EZH1: variants seen among roughly 807,000 people sequenced by gnomAD.
EZH1 encodes histone-lysine N-methyltransferase EZH1.
In EZH1, 33 loss-of-function variants were observed where a neutral mutation model predicts 100.5. That is an observed-to-expected ratio of 0.33 (90% CI 0.25 to 0.44). EZH1 has a LOEUF of 0.44. EZH1 is among the 20% of genes least tolerant of loss of function. The pLI is 1.00. For synonymous variants in EZH1, 272 were observed against 313.8 expected (o/e 0.87, Z 1.41); for missense variants, 475 against 928.4 (o/e 0.51, Z 6.35).
intron 4 of EZH1, among the ~76,000 whole-genome samples, chr17:42,725,409 C>T (rs1246896805): frequency 4.0e-5 from 6 of 151,474 alleles, no homozygotes; most frequent in Non-Finnish European, 1.5e-5. Flanking sequence ...GCTGGGATTA[C>T]AGGCATGTGC....
At position 42,708,046 on chromosome 17, in the gene EZH1, G is replaced by A. The variant is rs573197442; in HGVS notation, c.1572C>T (p.Cys524=). Residue 524 remains cysteine, a synonymous_variant, in exon 15 of 21, where the codon TGC becomes TGT. Transcript: ENST00000428826. ...TGTCACAGGGGCGGTCTGGGTGGTC[G>A]CAGGGTTGGTAGTTGTACACTTGTG... is the stretch of plus-strand genomic sequence containing the variant. ...SSTQVYNYQP[C]DHPDRPCDST... The A allele has an allele frequency of 2.7e-5, 43 of 1,612,108 alleles. No individual in the cohort carries two copies. Among genetic ancestry groups the A allele is most frequent in the Admixed American group, 5.0e-5 (3 of 59,578 alleles).
chr17:42,714,564 G>T, intron 10 of EZH1: 1 of 304,810 alleles, frequency 3.3e-6, no homozygotes, highest in South Asian at 3.5e-5. Flanking sequence ...ATTGGTGCAG[G>T]AGCAAGTGTG....
At position 42,702,541 on chromosome 17, in the gene EZH1, G is replaced by A. The variant is rs760086887; in HGVS notation, c.2235C>T (p.Asp745=). The A allele has an allele frequency of 4.5e-6, 7 of 1,562,948 alleles. No individual in the cohort carries two copies. The highest frequency in any genetic ancestry group is 2.4e-5 in the South Asian group (2 of 85,094). ...GTGGGGCCTGGGAGGGCTAAAGGAC[G>A]TCGGTCTCCCTCTCGATCCCCACGT... is the stretch of plus-strand genomic sequence containing the variant. ...LKYVGIERET[D]VL Residue 745 remains aspartate, a synonymous_variant, in exon 21 of 21, where the codon GAC becomes GAT. Transcript: ENST00000428826.
At chr17:42,728,623 T>G (rs1001853811) in intron 3 of EZH1, among the ~76,000 whole-genome samples, 7 of 151,072 alleles carry the variant, frequency 4.6e-5, no homozygotes, top group African/African-American at 1.7e-4. Flanking sequence ...GCGCCTGTAG[T>G]CCCAGCTAAT....
chr17:42,714,812 A>C (rs971513627), intron 10 of EZH1, among the ~76,000 whole-genome samples: 2 of 148,534 alleles, frequency 1.3e-5, no homozygotes, highest in Admixed American at 1.4e-4. Context: ...GCTGTGTATG[A>C]AGTATACAGT....
Position 42,704,582 on chromosome 17 carries a change from G to T in EZH1, c.2017+20C>A. The T allele has an allele frequency of 6.3e-7, 1 of 1,580,956 alleles. No individual in the cohort carries two copies. Among genetic ancestry groups the T allele is most frequent in the Non-Finnish European group, 8.7e-7 (1 of 1,155,282 alleles). ...AAAAAAAAAAAGACCACCTTGGGATGAGACAAAGTGACTTCATACCATTAT... is the reference window on the plus strand; with the variant it reads ...AAAAAAAAAAAGACCACCTTGGGATTAGACAAAGTGACTTCATACCATTAT... On this transcript the variant is annotated intron_variant, in intron 18 of 20. Transcript: ENST00000428826.
At chr17:42,742,648 G>A (rs1021374810) in intron 1 of EZH1, among the ~76,000 whole-genome samples, 12 of 152,100 alleles carry the variant, frequency 7.9e-5, no homozygotes, top group African/African-American at 1.4e-4. Context: ...TATATGTTGA[G>A]CACCTACTAT....
At chr17:42,725,271 ACT>A (rs1179779354) in intron 4 of EZH1, among the ~76,000 whole-genome samples, 1 of 151,270 alleles carries the variant, frequency 6.6e-6, no homozygotes, top group Non-Finnish European at 1.5e-5. Flanking sequence ...GAAAGTAGAA[ACT>A]CTTTTTTTTT....
rs2053647270 is a variant in EZH1 at position 42,718,518 on chromosome 17, T to C, written c.867A>G (p.Gln289=). The C allele has an allele frequency of 6.2e-7, 1 of 1,614,144 alleles. No homozygotes were observed. The highest frequency in any genetic ancestry group is 8.5e-7 in the Non-Finnish European group (1 of 1,180,032). Residue 289 remains glutamine (Q), a synonymous_variant, in exon 9 of 21, where the codon CAA becomes CAG. Coordinates refer to ENST00000428826, the MANE Select transcript of EZH1 (RefSeq NM_001991.5). The surrounding 1 kb of genome is among the most constrained non-coding windows in gnomAD (Gnocchi z 4.2). ...GPNAKSVQRE[Q]SLHSFHTLFC... is the part of the protein sequence containing the mutation. ...AAAGTGTGTGGAAGGAGTGCAGAGA[T>C]TGCTCCCGCTGCACAGACTTGGCAT...
intron 1 of EZH1, chr17:42,731,670 G>C (rs1199632328): frequency 6.6e-6 from 1 of 151,550 alleles, no homozygotes; most frequent in East Asian, 1.9e-4. Context: ...CACTTTGGGA[G>C]GCTGAGGTCA....
intron 13 of EZH1, chr17:42,709,162 C>A: frequency 1.8e-6 from 1 of 557,428 alleles, no homozygotes; most frequent in Non-Finnish European, 3.2e-6. Flanking sequence ...TAAAAGAACA[C>A]AACACAGAAA....
At chr17:42,714,494 T>C (rs2053551250) in intron 10 of EZH1, 2 of 291,652 alleles carry the variant, frequency 6.9e-6, no homozygotes, top group Non-Finnish European at 7.0e-6. Context: ...TCCTATGAGA[T>C]TGTCCAAAAC....
intron 1 of EZH1, among the ~76,000 whole-genome samples, chr17:42,741,758 G>A (rs916248568): frequency 4.0e-5 from 6 of 150,114 alleles, no homozygotes; most frequent in Non-Finnish European, 5.9e-5. Flanking sequence ...GCTTGATCTC[G>A]GCTCACTGCA....
intron 4 of EZH1, among the ~76,000 whole-genome samples, chr17:42,727,278 G>A (rs953579350): frequency 6.6e-6 from 1 of 151,824 alleles, no homozygotes; most frequent in Non-Finnish European, 1.5e-5. Context: ...TTGGACATAA[G>A]GTCTTGTCTG....
chr17:42,722,773 C>T, intron 6 of EZH1, 22 bp downstream of exon 6: 5 of 1,602,132 alleles, frequency 3.1e-6, no homozygotes, highest in Non-Finnish European at 4.2e-6. Context: ...AAAATTTTCT[C>T]CAAGGAGTTC....
chr17:42,720,193 G>C (rs1360433123), intron 7 of EZH1, 80 bp downstream of exon 7: 1 of 1,470,526 alleles, frequency 6.8e-7, no homozygotes, highest in Non-Finnish European at 9.1e-7. Context: ...GCCTTTAATA[G>C]GCAACAAATC....
chr17:42,724,453 G>C (rs1567998235), intron 4 of EZH1, 29 bp from the exon 5 acceptor site: 3 of 1,609,932 alleles, frequency 1.9e-6, no homozygotes, highest in Non-Finnish European at 2.5e-6. Context: ...CATGGAGAGG[G>C]AAAGACGGGC....
At chr17:42,725,293 A>T (rs2053796791) in intron 4 of EZH1, among the ~76,000 whole-genome samples, 1 of 151,222 alleles carries the variant, frequency 6.6e-6, no homozygotes, top group Non-Finnish European at 1.5e-5. Context: ...TTTTTGAGAC[A>T]GGATCTCACT....
intron 6 of EZH1, among the ~76,000 whole-genome samples, chr17:42,721,812 C>T (rs2053711471): frequency 6.6e-6 from 1 of 151,950 alleles, no homozygotes; most frequent in South Asian, 2.1e-4. Context: ...GAGTTTAAGA[C>T]CAGCCTGGGC....
Sources: gnomAD v4.1 joint callset for allele counts (sites outside exome capture counted in the v4.1 genomes callset) on GRCh38, gnomAD v4.1.1 for gene constraint, Gnocchi (gnomAD v3.1) non-coding constraint, MANE v1.5 for transcripts, NCBI Gene and HGNC (gene_info 2026-07-23, HGNC 2026-07-21) for gene names.